The following DNAH8 variants were observed in gnomAD, a reference collection of about 807,000 sequenced individuals.
DNAH8 encodes the protein axonemal beta dynein heavy chain 8.
DNAH8 carries 382 observed loss-of-function variants against 562.1 expected under a neutral mutation model. The ratio of observed to expected loss-of-function variants is 0.68; its 90% confidence interval spans 0.63 to 0.74. The LOEUF is 0.74. DNAH8 is among the 30% of genes least tolerant of loss of function. The probability of loss-of-function intolerance (pLI) is 0.00; values close to 1 mark genes in which losing one functional copy is unlikely to be tolerated. For synonymous variants in DNAH8, 1,881 were observed against 1,919.4 expected (o/e 0.98, Z 0.52); for missense variants, 5,203 against 5,620.4 (o/e 0.93, Z 2.37).
At chr6:39,003,106 A>G (rs1307906364) in intron 88 of DNAH8, among the ~76,000 whole-genome samples, 1 of 152,186 alleles carries the variant, frequency 6.6e-6, no homozygotes. Flanking sequence ...CAGCTTTTTC[A>G]TAAGCAAAGA....
At chr6:38,760,430 TC>T (rs1484694907) in intron 10 of DNAH8, among the ~76,000 whole-genome samples, 2 of 151,422 alleles carry the variant, frequency 1.3e-5, no homozygotes, top group Non-Finnish European at 1.5e-5. Flanking sequence ...GGATTTTTTT[TC>T]TTTATCTTTG....
chr6:38,867,517 AGTG>A lies in DNAH8; in HGVS notation c.6694-543_6694-541del, dbSNP rs1421722913. On this transcript the variant is annotated intron_variant, in intron 47 of 92. Transcript: ENST00000327475. ...CCCAGCATTCTGGGAGGCCGAGGCGAGTGGATCATGAGGTCGGGAGATCGAGAC... is the reference window on the plus strand; with the variant it reads ...CCCAGCATTCTGGGAGGCCGAGGCGAGATCATGAGGTCGGGAGATCGAGAC... 4.6e-5 allele frequency among the ~76,000 whole-genome samples: 7 copies of A among 151,368 alleles called. No individual in the cohort carries two copies. In the East Asian group the frequency reaches 7.8e-4, roughly 17 times the overall value.
intron 69 of DNAH8, 43 bp from the exon 70 acceptor site, chr6:38,917,882 G>A (rs1219310954): frequency 1.4e-6 from 2 of 1,416,650 alleles, no homozygotes; most frequent in Non-Finnish European, 9.7e-7. Flanking sequence ...CAGGAAGAAA[G>A]TATTTTCTTC....
chr6:38,994,097 T>C (rs1307424306), intron 88 of DNAH8, among the ~76,000 whole-genome samples: 2 of 152,240 alleles, frequency 1.3e-5, no homozygotes, highest in African/African-American at 4.8e-5. Flanking sequence ...CCTTCACCAA[T>C]ATGACAGTGA....
intron 1 of DNAH8, among the ~76,000 whole-genome samples, chr6:38,717,942 G>A (rs575033789): frequency 3.0e-4 from 46 of 152,198 alleles, no homozygotes; most frequent in African/African-American, 9.6e-4. Flanking sequence ...ATGAAATACC[G>A]TATATACACA....
intron 66 of DNAH8, among the ~76,000 whole-genome samples, chr6:38,913,333 A>G (rs957263017): frequency 1.3e-5 from 2 of 152,228 alleles, no homozygotes; most frequent in African/African-American, 4.8e-5. Flanking sequence ...ACCCGTTGGA[A>G]TGTGAGCAAT....
chr6:38,832,254 T>C (rs2150354549), intron 30 of DNAH8, 68 bp from the exon 31 acceptor site: 3 of 926,832 alleles, frequency 3.2e-6, no homozygotes, highest in Non-Finnish European at 5.2e-6. Flanking sequence ...CTTGTTGGAA[T>C]AGAATTGTAA....
chr6:38,922,583 A>C (rs1263723856), intron 71 of DNAH8, among the ~76,000 whole-genome samples: 2 of 152,220 alleles, frequency 1.3e-5, no homozygotes, highest in Non-Finnish European at 2.9e-5. Context: ...TGTGTTTAGC[A>C]CCAGCTCACA....
At chr6:38,922,260 C>T (rs1222744067) in intron 71 of DNAH8, among the ~76,000 whole-genome samples, 2 of 151,500 alleles carry the variant, frequency 1.3e-5, no homozygotes, top group South Asian at 2.1e-4. Flanking sequence ...TAAATGTTAA[C>T]AATCTAGTGT....
At chr6:38,772,971 C>CT (rs58784448) in intron 12 of DNAH8, among the ~76,000 whole-genome samples, 1,874 of 87,900 alleles carry the variant, frequency 0.021, 206 homozygotes, top group African/African-American at 0.058. Flanking sequence ...GCTAATTAAA[C>CT]TTTTTTTTTT....
At chr6:38,789,541 C>T (rs1490720138) in intron 18 of DNAH8, among the ~76,000 whole-genome samples, 1 of 152,072 alleles carries the variant, frequency 6.6e-6, no homozygotes, top group Admixed American at 6.6e-5. Flanking sequence ...ATTCAAACTA[C>T]TTAATATACA....
At chr6:38,833,637 A>G (rs1738201) in intron 31 of DNAH8, among the ~76,000 whole-genome samples, 150,620 of 152,314 alleles carry the variant, frequency 0.99, 74,481 homozygotes, top group East Asian at 1. Context: ...TTTCCAGCAG[A>G]ATAGACCAAA....
rs181376890 is a variant in DNAH8 at position 38,808,840 on chromosome 6, G to A, written c.3257+1124G>A. 1.0e-3 allele frequency among the ~76,000 whole-genome samples: 153 copies of A among 152,204 alleles called. 1 individual carries two copies. Among genetic ancestry groups the A allele is most frequent in the African/African-American group, 3.7e-3 (152 of 41,528 alleles). Reference sequence around the variant, plus strand: ...TCATTCTCAGCAAACTAACACAAGAGCAGAAAACCAAACACCGCATGTTCT... The same window carrying A: ...TCATTCTCAGCAAACTAACACAAGAACAGAAAACCAAACACCGCATGTTCT... On this transcript the variant is annotated intron_variant, in intron 24 of 92. Coordinates refer to ENST00000327475, the MANE Select transcript of DNAH8 (RefSeq NM_001206927.2).
chr6:38,807,642 T>C lies in DNAH8; in HGVS notation c.3183T>C (p.His1061=), dbSNP rs751347468. Residue 1061 remains histidine, a synonymous_variant, in exon 24 of 93, where the codon CAT becomes CAC. Transcript: ENST00000327475. The part of the protein sequence containing the change: ...ECKEVFAFFS[H]QLLDSLQKAT... ...AAGAGGTCTTTGCTTTTTTCTCTCA[T>C]CAATTACTAGACAGTCTTCAAAAAG... 3 of 1,560,642 alleles carry C rather than the reference T, an allele frequency of 1.9e-6. No homozygotes were observed. The highest frequency in any genetic ancestry group is 2.6e-6 in the Non-Finnish European group (3 of 1,157,740).
At chr6:38,839,986 T>G (rs1158970676) in intron 33 of DNAH8, among the ~76,000 whole-genome samples, 2 of 152,166 alleles carry the variant, frequency 1.3e-5, no homozygotes, top group South Asian at 2.1e-4. Context: ...TTAGAAGATT[T>G]AATAATAATT....
chr6:38,744,937 T>C (rs538009548), intron 8 of DNAH8, among the ~76,000 whole-genome samples: 5 of 152,194 alleles, frequency 3.3e-5, no homozygotes, highest in African/African-American at 1.2e-4. Context: ...TAATCACTCG[T>C]TATATTTGTT....
chr6:38,803,054 G>A, intron 21 of DNAH8, 125 bp from the exon 22 acceptor site: 1 of 654,252 alleles, frequency 1.5e-6, no homozygotes, highest in Non-Finnish European at 2.4e-6. Flanking sequence ...GCCATTTTCA[G>A]CTATCTCTAG....
intron 67 of DNAH8, 53 bp downstream of exon 67, chr6:38,914,005 T>C: frequency 7.3e-7 from 1 of 1,360,914 alleles, no homozygotes; most frequent in Non-Finnish European, 1.0e-6. Context: ...CATATTAAAA[T>C]GCATTGTTTT....
rs1778712128 is a variant in DNAH8 at position 38,883,952 on chromosome 6, T to C, written c.8213T>C (p.Phe2738Ser). The C allele has an allele frequency of 6.3e-7, 1 of 1,587,526 alleles. No individual in the cohort carries two copies. The highest frequency in any genetic ancestry group is 8.6e-7 in the Non-Finnish European group (1 of 1,165,292). Residue 2738 changes from phenylalanine to serine, a missense_variant, in exon 56 of 93, where the codon TTT (phenylalanine) becomes TCT (serine). By Grantham distance (155) the Phe-to-Ser change is radical. Around this residue, in one of 6 missense-constraint regions of DNAH8, gnomAD observed 977 missense variants for 1,061.8 expected, o/e 0.92. Coordinates refer to ENST00000327475, the MANE Select transcript of DNAH8 (RefSeq NM_001206927.2). ...GPPGGRKMTV[F>S]IDDINMPVIN... ...CCAGGAGGGAGAAAAATGACTGTAT[T>C]TATTGATGATATTAATATGCCTGTG... is the stretch of plus-strand genomic sequence containing the variant.
Sources: allele counts gnomAD v4.1 joint callset (sites outside exome capture counted in the v4.1 genomes callset), GRCh38; gene constraint gnomAD v4.1.1; regional missense constraint gnomAD v4.1.1; transcripts MANE v1.5; gene names NCBI Gene and HGNC (gene_info 2026-07-23, HGNC 2026-07-21).